Variants in RET observed in about 807,000 individuals in gnomAD.
The protein encoded by RET is proto-oncogene tyrosine-protein kinase receptor Ret.
Under a neutral mutation model 118.3 loss-of-function variants are expected in RET, and 19 were observed. The observed-to-expected ratio is 0.16, with a 90% CI of 0.11 to 0.24. RET has a LOEUF of 0.24. Among genes scored for constraint, RET ranks in the 10% least tolerant of loss-of-function variants. The probability of loss-of-function intolerance (pLI) is 1.00; values close to 1 mark genes in which losing one functional copy is unlikely to be tolerated. For synonymous variants in RET, 597 were observed against 644.1 expected (o/e 0.93, Z 1.11); for missense variants, 1,219 against 1,502.1 (o/e 0.81, Z 3.12).
intron 3 of RET, among the ~76,000 whole-genome samples, chr10:43,103,757 ATTTAG>A (rs1213350763): frequency 1.3e-5 from 2 of 152,180 alleles, no homozygotes; most frequent in Non-Finnish European, 2.9e-5. Context: ...ATGTGATTAA[ATTTAG>A]TTTAGTGGGG....
At chr10:43,119,953 C>G in intron 14 of RET, 128 bp from the exon 15 acceptor site, 1 of 1,442,678 alleles carries the variant, frequency 6.9e-7, no homozygotes, top group Non-Finnish European at 9.5e-7. Flanking sequence ...CATGCCACAC[C>G]CCCGGCCCAG....
intron 18 of RET, among the ~76,000 whole-genome samples, chr10:43,126,241 G>A (rs1195699211): frequency 2.6e-5 from 4 of 152,240 alleles, no homozygotes; most frequent in Admixed American, 1.3e-4. Flanking sequence ...TGGGCCAGGG[G>A]CAGCTAGATG....
chr10:43,089,861 A>G (rs1393385252), intron 1 of RET, among the ~76,000 whole-genome samples: 1 of 152,262 alleles, frequency 6.6e-6, no homozygotes, highest in Non-Finnish European at 1.5e-5. Context: ...TCATCAGACA[A>G]GAACCCTGAG....
intron 2 of RET, among the ~76,000 whole-genome samples, chr10:43,101,494 C>T (rs1412002040): frequency 2.6e-5 from 4 of 152,232 alleles, no homozygotes; most frequent in Non-Finnish European, 2.9e-5. Context: ...CTCCCTCCGG[C>T]GCAGCCCAGG....
chr10:43,086,721 C>T lies in RET; in HGVS notation c.73+9390C>T, dbSNP rs951233491. On this transcript the variant is annotated intron_variant, in intron 1 of 19. Transcript: ENST00000355710. ...TCCTTTGCATAGAAGCCGGAAGCAA[C>T]TGCCAGTGAGGCTGGTGATTAACTC... Among the ~76,000 whole-genome samples the T allele has an allele frequency of 1.3e-5, 2 of 151,690 alleles. No individual in the cohort carries two copies. Among genetic ancestry groups the T allele is most frequent in the Admixed American group, 6.6e-5 (1 of 15,238 alleles).
At position 43,106,293 on chromosome 10, in the gene RET, T is replaced by C; in HGVS notation, c.868-83T>C. The C allele has an allele frequency of 7.5e-7, 1 of 1,330,730 alleles. No homozygotes were observed. The highest frequency in any genetic ancestry group is 1.1e-6 in the Non-Finnish European group (1 of 945,840). The allele number at this position is 1,330,730 out of a possible 1,614,324, so 82.4% of individuals were successfully genotyped here. Reference sequence around the variant, plus strand: ...GTCCACCTATGGGCTGTGTGGGACGTGCAGCATTCTAAGGTCTCTGGTTTT... The same window carrying C: ...GTCCACCTATGGGCTGTGTGGGACGCGCAGCATTCTAAGGTCTCTGGTTTT... On this transcript the variant is annotated intron_variant, in intron 4 of 19. Transcript: ENST00000355710. This position sits in a 1 kb window ranked among gnomAD's most constrained non-coding sequence, Gnocchi z 5.1.
chr10:43,112,906 G>A lies in RET; in HGVS notation c.1702G>A (p.Gly568Ser), dbSNP rs140464432. 138 of 1,613,984 alleles carry A rather than the reference G, an allele frequency of 8.6e-5. No individual in the cohort carries two copies. The highest frequency in any genetic ancestry group is 2.0e-4 in the East Asian group (9 of 44,886). The change falls in exon 9 of 20, where the codon GGC becomes AGC. Residue 568 changes from glycine to serine, a missense_variant. Gly to Ser is a moderately conservative substitution (Grantham distance 56). Transcript: ENST00000355710. ...TCCCAGCACCAAGACCTGCCCCGAC[G>A]GCCACTGCGATGTTGTGGAGACCCA... ...CSPSTKTCPD[G>S]HCDVVETQDI...
At chr10:43,107,620 G>A (rs986468452) in intron 5 of RET, among the ~76,000 whole-genome samples, 2 of 148,626 alleles carry the variant, frequency 1.3e-5, no homozygotes, top group African/African-American at 2.5e-5. Flanking sequence ...CCCAAAAAAC[G>A]AAACTCTGTA....
chr10:43,107,620 G>C (rs986468452), intron 5 of RET, among the ~76,000 whole-genome samples: 1 of 148,626 alleles, frequency 6.7e-6, no homozygotes. Flanking sequence ...CCCAAAAAAC[G>C]AAACTCTGTA....
At chr10:43,120,242 C>T in intron 15 of RET, 39 bp downstream of exon 15, 7 of 1,609,626 alleles carry the variant, frequency 4.3e-6, no homozygotes, top group Non-Finnish European at 5.1e-6. Flanking sequence ...TCCCAGGGAT[C>T]CCAGGTGCAC....
intron 3 of RET, among the ~76,000 whole-genome samples, chr10:43,103,099 G>C (rs2132688344): frequency 1.3e-5 from 2 of 152,348 alleles, no homozygotes; most frequent in Admixed American, 1.3e-4. Flanking sequence ...ACCCTCGTGT[G>C]CCTGGAGTGC....
intron 1 of RET, among the ~76,000 whole-genome samples, chr10:43,084,882 C>A (rs903150896): frequency 8.5e-5 from 13 of 152,174 alleles, no homozygotes; most frequent in African/African-American, 3.1e-4. Flanking sequence ...CCAGCAGACC[C>A]CCACCCCACT....
At chr10:43,104,251 C>G (rs1330688003) in intron 3 of RET, among the ~76,000 whole-genome samples, 1 of 151,528 alleles carries the variant, frequency 6.6e-6, no homozygotes, top group East Asian at 1.9e-4. Context: ...TTCTCACGTT[C>G]TCTAAAATGA....
At chr10:43,102,161 G>A in intron 2 of RET, 181 bp from the exon 3 acceptor site, 1 of 664,352 alleles carries the variant, frequency 1.5e-6, no homozygotes, top group South Asian at 2.0e-5. Flanking sequence ...TTGGTGCTGG[G>A]CAGCAGGGCT....
At chr10:43,111,071 G>T (rs959129172) in intron 6 of RET, 136 bp from the exon 7 acceptor site, 2 of 1,229,398 alleles carry the variant, frequency 1.6e-6, no homozygotes, top group Non-Finnish European at 2.3e-6. Context: ...TGGAGGACAG[G>T]GTGCTCGGGG....
chr10:43,098,355 C>T (rs1837564840), intron 1 of RET, among the ~76,000 whole-genome samples: 1 of 151,132 alleles, frequency 6.6e-6, no homozygotes, highest in African/African-American at 2.4e-5. Flanking sequence ...TTGCAATGGG[C>T]TTATTTCACT....
At position 43,129,788 on chromosome 10, in the gene RET, A is replaced by C; in HGVS notation, c.*1519A>C. 3 of 389,802 alleles carry C rather than the reference A, an allele frequency of 7.7e-6. No individual in the cohort carries two copies. The highest frequency in any genetic ancestry group is 4.5e-6 in the Non-Finnish European group (1 of 221,540). The allele number at this position is 389,802 out of a possible 1,614,324, so 24.1% of individuals were successfully genotyped here. On this transcript the variant is annotated 3_prime_UTR_variant, in exon 20 of 20. Coordinates refer to ENST00000355710, the MANE Select transcript of RET (RefSeq NM_020975.6). ...TAATAGAGCCTTGTGGTGTGTGCGC[A>C]CACACCCAGAGGGAGAGTTTGAAAA...
intron 6 of RET, 111 bp from the exon 7 acceptor site, chr10:43,111,096 A>C (rs1336315798): frequency 6.6e-7 from 1 of 1,511,656 alleles, no homozygotes; most frequent in Non-Finnish European, 9.1e-7. Flanking sequence ...TGCTGTCTCC[A>C]GGCCCAGTTG....
chr10:43,129,013 T>TC lies in RET; in HGVS notation c.*749dup, dbSNP rs886047000. The TC allele has an allele frequency of 6.8e-5, 16 of 235,448 alleles. No homozygotes were observed. Among genetic ancestry groups the TC allele is most frequent in the African/African-American group, 3.1e-4 (14 of 45,168 alleles). 14.6% of individuals were successfully genotyped at this position (235,448 alleles called of 1,614,324 possible). ...GAAGAGGGCTCACAAGACACATTTG[T>TC]CCCCCGGGCCCACCACATCATCCTC... On this transcript the variant is annotated 3_prime_UTR_variant, in exon 20 of 20. Transcript: ENST00000355710.
Sources: allele counts gnomAD v4.1 joint callset (sites outside exome capture counted in the v4.1 genomes callset), GRCh38; gene constraint gnomAD v4.1.1; non-coding constraint Gnocchi (gnomAD v3.1); transcripts MANE v1.5; gene names NCBI Gene and HGNC (gene_info 2026-07-23, HGNC 2026-07-21).